The following WWOX variants were observed in gnomAD, a reference collection of about 807,000 sequenced individuals.
WWOX encodes WW domain containing oxidoreductase, also known as WW domain-containing oxidoreductase.
In WWOX, 69 loss-of-function variants were observed where a neutral mutation model predicts 46.2. That is an observed-to-expected ratio of 1.49 (90% CI 1.23 to 1.82). The LOEUF (loss-of-function observed/expected upper bound fraction) is 1.82. Among genes scored for constraint, WWOX ranks in the 40% most tolerant of loss-of-function variants. WWOX has a pLI of 0.00. For synonymous variants in WWOX, 359 were observed against 202.6 expected (o/e 1.77, Z -6.56); for missense variants, 919 against 542.6 (o/e 1.69, Z -6.89).
At chr16:78,511,938 T>C (rs1334482341) in intron 8 of WWOX, among the ~76,000 whole-genome samples, 9 of 152,230 alleles carry the variant, frequency 5.9e-5, no homozygotes, top group Non-Finnish European at 1.0e-4. Context: ...GTTTACACAT[T>C]CTTCTGCGTT....
At chr16:78,532,578 A>G (rs146277408) in intron 8 of WWOX, among the ~76,000 whole-genome samples, 1 of 152,302 alleles carries the variant, frequency 6.6e-6, no homozygotes, top group African/African-American at 2.4e-5. Flanking sequence ...CATGCTACTG[A>G]TAAAGGCATA....
intron 5 of WWOX, among the ~76,000 whole-genome samples, chr16:78,356,881 C>T (rs1420210061): frequency 6.6e-6 from 1 of 151,916 alleles, no homozygotes; most frequent in African/African-American, 2.4e-5. Context: ...GACTCCATCT[C>T]AAAAAACAAA....
intron 8 of WWOX, among the ~76,000 whole-genome samples, chr16:78,805,285 C>A (rs899833693): frequency 6.6e-6 from 1 of 152,154 alleles, no homozygotes; most frequent in Non-Finnish European, 1.5e-5. Flanking sequence ...CGGAGTCTCA[C>A]CCTGTCGCCC....
At chr16:78,879,115 A>G (rs2044290896) in intron 8 of WWOX, among the ~76,000 whole-genome samples, 1 of 152,094 alleles carries the variant, frequency 6.6e-6, no homozygotes, top group South Asian at 2.1e-4. Flanking sequence ...AACTTCTGTA[A>G]TCCTAAGTAC....
chr16:78,740,935 C>A (rs1002670216), intron 8 of WWOX, among the ~76,000 whole-genome samples: 1 of 152,134 alleles, frequency 6.6e-6, no homozygotes, highest in African/African-American at 2.4e-5. Flanking sequence ...TTTATTTTTT[C>A]ACTATGTCAC....
Position 78,114,968 on chromosome 16 carries a change from T to C in WWOX, c.231-8T>C. ...TGCTGTGGGTTCACTGCTTTCTCTT[T>C]TGGGCAGCCATATAAATAAAAGAAC... On this transcript the variant is annotated splice_polypyrimidine_tract_variant and splice_region_variant and intron_variant, in intron 3 of 8. Transcript: ENST00000566780. 1.2e-6 allele frequency: 2 copies of C among 1,614,176 alleles called. No individual in the cohort carries two copies. Among genetic ancestry groups the C allele is most frequent in the Non-Finnish European group, 8.5e-7 (1 of 1,180,016 alleles).
intron 8 of WWOX, chr16:78,526,404 G>C (rs981590480): frequency 6.6e-6 from 1 of 152,226 alleles, no homozygotes; most frequent in South Asian, 2.1e-4. Flanking sequence ...CCTAATTCTA[G>C]TGAATCCCCA....
At chr16:78,926,137 C>A (rs2045492190) in intron 8 of WWOX, among the ~76,000 whole-genome samples, 1 of 151,998 alleles carries the variant, frequency 6.6e-6, no homozygotes, top group Non-Finnish European at 1.5e-5. Flanking sequence ...AGTGGATGGA[C>A]CCAAAATGGG....
intron 4 of WWOX, among the ~76,000 whole-genome samples, chr16:78,117,243 G>A (rs1597221745): frequency 6.6e-6 from 1 of 152,124 alleles, no homozygotes; most frequent in South Asian, 2.1e-4. Context: ...TGGAGGTTGT[G>A]GCAAATTGTA....
chr16:79,027,220 C>T lies in WWOX; in HGVS notation c.1057-184388C>T, dbSNP rs556989268. Among the ~76,000 whole-genome samples, 130 of 145,060 alleles carry T rather than the reference C, an allele frequency of 9.0e-4. 2 individuals are homozygous for T. The Middle Eastern group carries it at 0.011, about 12-fold the overall frequency. ...AGCTGAGCTGGGGAGGTTGAGGCTG[C>T]AGTGGGCTGTGATCATGCCACTGCA... On this transcript the variant is annotated intron_variant, in intron 8 of 8. Coordinates refer to ENST00000566780, the MANE Select transcript of WWOX (RefSeq NM_016373.4).
rs185532224 is a variant in WWOX, at chr16:78,158,110, G to A, written c.410-6073G>A. Among the ~76,000 whole-genome samples the A allele has an allele frequency of 2.6e-5, 4 of 152,300 alleles. No individual in the cohort carries two copies. In the East Asian group the frequency reaches 7.7e-4, roughly 29 times the overall value. On this transcript the variant is annotated intron_variant, in intron 4 of 8. Coordinates refer to ENST00000566780, the MANE Select transcript of WWOX (RefSeq NM_016373.4). Reference sequence around the variant, plus strand: ...CTTGAGTTTTCCTCTGTGCTATGCTGATTTTCCTTGAGAAGTATTCTGTAT... The same window carrying A: ...CTTGAGTTTTCCTCTGTGCTATGCTAATTTTCCTTGAGAAGTATTCTGTAT...
chr16:79,104,212 A>G (rs967586116), intron 8 of WWOX, among the ~76,000 whole-genome samples: 1 of 152,102 alleles, frequency 6.6e-6, no homozygotes, highest in African/African-American at 2.4e-5. Context: ...ATATCCTAAC[A>G]TTGAAAAAAA....
intron 5 of WWOX, among the ~76,000 whole-genome samples, chr16:78,174,238 G>A (rs1032151624): frequency 2.6e-5 from 4 of 152,226 alleles, no homozygotes; most frequent in Non-Finnish European, 5.9e-5. Context: ...ATGGTAGGAG[G>A]CGAAAGGCAC....
At chr16:79,005,934 C>G (rs1005048295) in intron 8 of WWOX, among the ~76,000 whole-genome samples, 1 of 152,132 alleles carries the variant, frequency 6.6e-6, no homozygotes, top group Non-Finnish European at 1.5e-5. Flanking sequence ...TGGGAGAAAC[C>G]CATCCATACT....
At chr16:79,132,367 T>A (rs921482597) in intron 8 of WWOX, among the ~76,000 whole-genome samples, 3 of 152,304 alleles carry the variant, frequency 2.0e-5, no homozygotes, top group African/African-American at 7.2e-5. Flanking sequence ...TGGATTTTGC[T>A]CAAGAATAGT....
intron 8 of WWOX, among the ~76,000 whole-genome samples, chr16:78,683,002 A>G (rs970884760): frequency 3.9e-5 from 6 of 152,174 alleles, no homozygotes; most frequent in East Asian, 1.9e-4. Context: ...TGAGATTTCA[A>G]TAAATGAATC....
intron 8 of WWOX, among the ~76,000 whole-genome samples, chr16:78,748,823 A>G (rs12925643): frequency 0.054 from 8,184 of 152,348 alleles, 314 homozygotes; most frequent in Non-Finnish European, 0.081. Flanking sequence ...GATGCTGCCC[A>G]AATCCTTGTA....
intron 8 of WWOX, among the ~76,000 whole-genome samples, chr16:78,880,495 A>T (rs1254279720): frequency 6.6e-6 from 1 of 152,238 alleles, no homozygotes; most frequent in Non-Finnish European, 1.5e-5. Flanking sequence ...AACAAGAAAT[A>T]ATTAGTCAAG....
rs1047027249 is a variant in WWOX, at chr16:78,666,510, C to G, written c.1056+233758C>G. On this transcript the variant is annotated intron_variant, in intron 8 of 8. Coordinates refer to ENST00000566780, the MANE Select transcript of WWOX (RefSeq NM_016373.4). ...GCCTTTAAAAAATTGTTTTAAAGAT[C>G]TGCCTAGGTCAGCAAATTTTATTTA... 1.3e-5 allele frequency among the ~76,000 whole-genome samples: 2 copies of G among 152,186 alleles called. 1 individual carries two copies. The highest frequency in any genetic ancestry group is 2.9e-5 in the Non-Finnish European group (2 of 68,028).
Sources: allele counts gnomAD v4.1 joint callset (sites outside exome capture counted in the v4.1 genomes callset), GRCh38; gene constraint gnomAD v4.1.1; transcripts MANE v1.5; gene names NCBI Gene and HGNC (gene_info 2026-07-23, HGNC 2026-07-21).